Variants in CEP170 observed in about 807,000 individuals in gnomAD.
The protein encoded by CEP170 is centrosomal protein 170.
A neutral mutation model predicts 151.9 loss-of-function variants in CEP170; 21 were observed. That is an observed-to-expected ratio of 0.14 (90% confidence interval 0.10 to 0.20). The LOEUF (loss-of-function observed/expected upper bound fraction) is 0.20, where lower values mean the gene tolerates loss of function less well. Ranked by LOEUF, CEP170 falls within the 10% of genes least tolerant of loss-of-function variation. CEP170 has a pLI of 1.00. For synonymous variants in CEP170, 356 were observed against 648.8 expected (o/e 0.55, Z 6.86); for missense variants, 964 against 1,892.9 (o/e 0.51, Z 9.11).
At chr1:243,156,494 T>C in intron 13 of CEP170, 39 bp from the exon 14 acceptor site, 1 of 1,506,818 alleles carries the variant, frequency 6.6e-7, no homozygotes, top group Non-Finnish European at 8.9e-7. Flanking sequence ...ATTATTATGT[T>C]ATCATTTAAA....
chr1:243,153,662 C>CT (rs968425757), intron 14 of CEP170, among the ~76,000 whole-genome samples: 1 of 152,116 alleles, frequency 6.6e-6, no homozygotes, highest in Non-Finnish European at 1.5e-5. Context: ...TAGGTATATA[C>CT]TTTTTTTAAG....
At chr1:243,228,538 T>C (rs2063479788) in intron 1 of CEP170, among the ~76,000 whole-genome samples, 1 of 152,216 alleles carries the variant, frequency 6.6e-6, no homozygotes, top group South Asian at 2.1e-4. Context: ...AAATATAGTA[T>C]ATAATTTGCA....
At chr1:243,210,196 G>A (rs1431029724) in intron 4 of CEP170, among the ~76,000 whole-genome samples, 2 of 152,164 alleles carry the variant, frequency 1.3e-5, no homozygotes, top group Admixed American at 1.3e-4. Flanking sequence ...ATACTATTGT[G>A]TAAAAGCATG....
At chr1:243,251,079 C>T (rs1293927040) in intron 1 of CEP170, among the ~76,000 whole-genome samples, 1 of 152,194 alleles carries the variant, frequency 6.6e-6, no homozygotes, top group African/African-American at 2.4e-5. Flanking sequence ...AACCTTACTT[C>T]ATCTTACTCC....
chr1:243,208,364 T>A (rs2061556894), intron 4 of CEP170, among the ~76,000 whole-genome samples: 1 of 148,002 alleles, frequency 6.8e-6, no homozygotes, highest in African/African-American at 2.5e-5. Flanking sequence ...TCACTCCGAT[T>A]AAAAAAAAAC....
intron 1 of CEP170, among the ~76,000 whole-genome samples, chr1:243,236,440 T>C (rs1354457847): frequency 1.3e-5 from 2 of 152,230 alleles, no homozygotes; most frequent in Non-Finnish European, 2.9e-5. Flanking sequence ...TGACAGTTCA[T>C]GTAAATTTCA....
chr1:243,166,092 A>T lies in CEP170; in HGVS notation c.1868T>A (p.Met623Lys). 1.9e-6 allele frequency: 3 copies of T among 1,613,066 alleles called. No individual in the cohort carries two copies. Among genetic ancestry groups the T allele is most frequent in the Non-Finnish European group, 2.5e-6 (3 of 1,179,432 alleles). Reference sequence around the variant, plus strand: ...TGCAGAGCCAGTACTTCTCACTGTCATGCCAGACTCACTGATCTCTGTCTC... The same window carrying T: ...TGCAGAGCCAGTACTTCTCACTGTCTTGCCAGACTCACTGATCTCTGTCTC... ...ENETEISESG[M>K]TVRSTGSATS... Residue 623 changes from methionine to lysine, a missense_variant, in exon 13 of 20, where the codon ATG (methionine) becomes AAG (lysine). Transcript: ENST00000366542.
chr1:243,191,641 C>T lies in CEP170; in HGVS notation c.632-147G>A. 5 of 617,030 alleles carry T rather than the reference C, an allele frequency of 8.1e-6. No homozygotes were observed. The South Asian group carries it at 1.0e-4, about 12-fold the overall frequency. 38.2% of individuals were successfully genotyped at this position (617,030 alleles called of 1,614,324 possible). A position where few individuals can be genotyped will look rare whatever the true frequency, so the allele number is the denominator to read the frequency against. Reference sequence around the variant, plus strand: ...AACCAATGGCATTTATATCACAGAACAAATGTCACAGAGAAGAAAGAATCT... The same window carrying T: ...AACCAATGGCATTTATATCACAGAATAAATGTCACAGAGAAGAAAGAATCT... On this transcript the variant is annotated intron_variant, in intron 7 of 19. Transcript: ENST00000366542.
chr1:243,139,810 T>C (rs1238032896), intron 16 of CEP170, 127 bp downstream of exon 16: 1 of 912,924 alleles, frequency 1.1e-6, no homozygotes, highest in Non-Finnish European at 1.6e-6. Context: ...GATGTCATGG[T>C]GAAATTTCAT....
chr1:243,229,726 C>T (rs1225926857), intron 1 of CEP170, among the ~76,000 whole-genome samples: 1 of 152,082 alleles, frequency 6.6e-6, no homozygotes, highest in Non-Finnish European at 1.5e-5. Flanking sequence ...ACTGAGAAAC[C>T]AATACAAAAG....
chr1:243,130,073 T>C (rs1341837413), intron 17 of CEP170, among the ~76,000 whole-genome samples: 1 of 152,138 alleles, frequency 6.6e-6, no homozygotes, highest in African/African-American at 2.4e-5. Flanking sequence ...AGTGGGTATC[T>C]TGGAACAACA....
At chr1:243,203,145 A>T (rs1184408941) in intron 4 of CEP170, among the ~76,000 whole-genome samples, 2 of 152,204 alleles carry the variant, frequency 1.3e-5, no homozygotes, top group Non-Finnish European at 2.9e-5. Flanking sequence ...CTCTAGCCCC[A>T]GCTTTTCCCT....
At chr1:243,232,097 C>T (rs1323359129) in intron 1 of CEP170, among the ~76,000 whole-genome samples, 4 of 152,046 alleles carry the variant, frequency 2.6e-5, no homozygotes, top group East Asian at 3.9e-4. Flanking sequence ...TCTTGAGTAA[C>T]GGGGACTACA....
chr1:243,129,488 A>G (rs2054114801), intron 17 of CEP170, 35 bp from the exon 18 acceptor site: 2 of 1,257,648 alleles, frequency 1.6e-6, no homozygotes, highest in Non-Finnish European at 2.2e-6. Flanking sequence ...ATAACTTTTT[A>G]TATTTTAAAA....
At chr1:243,139,870 G>C in intron 16 of CEP170, 67 bp downstream of exon 16, 8 of 1,533,682 alleles carry the variant, frequency 5.2e-6, no homozygotes, top group Non-Finnish European at 7.0e-6. Context: ...TCACTGAATG[G>C]TTCCTCCTTT....
At chr1:243,146,515 G>A (rs997977382) in intron 14 of CEP170, among the ~76,000 whole-genome samples, 1 of 152,118 alleles carries the variant, frequency 6.6e-6, no homozygotes, top group African/African-American at 2.4e-5. Context: ...GCTAAAAAAT[G>A]TTTTTTATTT....
At chr1:243,195,004 A>G (rs1325667219) in intron 7 of CEP170, among the ~76,000 whole-genome samples, 1 of 151,812 alleles carries the variant, frequency 6.6e-6, no homozygotes, top group Admixed American at 6.6e-5. Flanking sequence ...TTCATCCAGA[A>G]TAAATGTTCT....
In CEP170 at chr1:243,186,087, A is replaced by G; in HGVS notation, c.1273-15T>C. On this transcript the variant is annotated splice_polypyrimidine_tract_variant and intron_variant, in intron 9 of 19. Transcript: ENST00000366542. ...GCAGAGCTAGTCTGTAAAGACAAAG[A>G]AACCACTTTGGCATCTGCTGTTGGA... The G allele has an allele frequency of 6.2e-7, 1 of 1,613,620 alleles. No individual in the cohort carries two copies. The highest frequency in any genetic ancestry group is 8.5e-7 in the Non-Finnish European group (1 of 1,179,588).
chr1:243,150,969 G>C (rs1409396387), intron 14 of CEP170, among the ~76,000 whole-genome samples: 1 of 152,070 alleles, frequency 6.6e-6, no homozygotes, highest in East Asian at 1.9e-4. Context: ...TCTGAGTCCA[G>C]AGTCCATATT....
Sources: gnomAD v4.1 joint callset for allele counts (sites outside exome capture counted in the v4.1 genomes callset) on GRCh38, gnomAD v4.1.1 for gene constraint, MANE v1.5 for transcripts, NCBI Gene and HGNC (gene_info 2026-07-23, HGNC 2026-07-21) for gene names.